The following CTNNBL1 variants were observed in gnomAD, a reference collection of about 807,000 sequenced individuals.
The protein encoded by CTNNBL1 is beta-catenin-like protein 1.
CTNNBL1 carries 31 observed loss-of-function variants against 72.7 expected under a neutral mutation model. The ratio of observed to expected loss-of-function variants is 0.43; its 90% CI spans 0.32 to 0.58. The LOEUF (loss-of-function observed/expected upper bound fraction) is 0.58, where lower values mean the gene tolerates loss of function less well. CTNNBL1 is among the 20% of genes least tolerant of loss of function. The pLI is 0.08. For synonymous variants in CTNNBL1, 240 were observed against 267.3 expected (o/e 0.90, Z 1.00); for missense variants, 534 against 725.1 (o/e 0.74, Z 3.03).
At chr20:37,719,239 A>C (rs561424326) in intron 1 of CTNNBL1, among the ~76,000 whole-genome samples, 2 of 152,304 alleles carry the variant, frequency 1.3e-5, no homozygotes, top group South Asian at 4.1e-4. Flanking sequence ...CAGTCACCCT[A>C]ATGGCCCAAG....
chr20:37,728,718 ACT>A (rs1462761884), intron 1 of CTNNBL1, among the ~76,000 whole-genome samples: 1 of 152,114 alleles, frequency 6.6e-6, no homozygotes. Context: ...TGCATGGCTT[ACT>A]CTCTGTTGGA....
At chr20:37,815,505 A>G (rs553451200) in intron 11 of CTNNBL1, among the ~76,000 whole-genome samples, 1 of 151,988 alleles carries the variant, frequency 6.6e-6, no homozygotes, top group South Asian at 2.1e-4. Context: ...TTTGGTAGAG[A>G]CGGGGTTTCA....
chr20:37,853,621 T>C (rs1476840612), intron 13 of CTNNBL1, among the ~76,000 whole-genome samples: 1 of 152,180 alleles, frequency 6.6e-6, no homozygotes, highest in Non-Finnish European at 1.5e-5. Flanking sequence ...GAGTCAGAAG[T>C]GTATTAATCC....
intron 2 of CTNNBL1, among the ~76,000 whole-genome samples, chr20:37,735,933 A>G (rs927064687): frequency 2.0e-5 from 3 of 152,258 alleles, no homozygotes; most frequent in African/African-American, 7.2e-5. Flanking sequence ...TAGTATGAAG[A>G]GAAGCAGGGT....
At chr20:37,811,665 A>G (rs762903732) in intron 11 of CTNNBL1, among the ~76,000 whole-genome samples, 10 of 152,210 alleles carry the variant, frequency 6.6e-5, no homozygotes, top group Non-Finnish European at 1.5e-4. Flanking sequence ...GGATTTACCC[A>G]GCTCCCAAGT....
At chr20:37,857,706 A>C (rs1282052452) in intron 13 of CTNNBL1, among the ~76,000 whole-genome samples, 1 of 152,090 alleles carries the variant, frequency 6.6e-6, no homozygotes, top group African/African-American at 2.4e-5. Flanking sequence ...GCAGGATCTC[A>C]AGGGCTTCCC....
intron 1 of CTNNBL1, among the ~76,000 whole-genome samples, chr20:37,695,422 T>C (rs1027654403): frequency 1.3e-5 from 2 of 152,130 alleles, no homozygotes; most frequent in African/African-American, 4.8e-5. Flanking sequence ...CTCAAACTCC[T>C]AGCCTCAAGC....
chr20:37,765,407 TG>T, intron 6 of CTNNBL1, 117 bp downstream of exon 6: 1 of 663,162 alleles, frequency 1.5e-6, no homozygotes, highest in Non-Finnish European at 2.7e-6. Flanking sequence ...TCCTTCCTTC[TG>T]CTCCCAAACT....
At chr20:37,756,886 G>C (rs2073370393) in intron 4 of CTNNBL1, among the ~76,000 whole-genome samples, 1 of 151,662 alleles carries the variant, frequency 6.6e-6, no homozygotes, top group Non-Finnish European at 1.5e-5. Context: ...AGCTCAAGCA[G>C]TCCTCCTGCC....
intron 11 of CTNNBL1, 85 bp downstream of exon 11, chr20:37,803,133 G>GT: frequency 8.0e-7 from 1 of 1,251,424 alleles, no homozygotes. Context: ...ATTCTGACGT[G>GT]TTTGGGGGAT....
chr20:37,853,485 C>T (rs960763336), intron 13 of CTNNBL1, among the ~76,000 whole-genome samples: 6 of 152,196 alleles, frequency 3.9e-5, no homozygotes, highest in African/African-American at 1.4e-4. Context: ...TTTGGAGTTT[C>T]AGGCACCCTT....
intron 11 of CTNNBL1, among the ~76,000 whole-genome samples, chr20:37,810,888 C>T (rs1186620661): frequency 3.3e-5 from 5 of 152,058 alleles, no homozygotes; most frequent in African/African-American, 1.2e-4. Flanking sequence ...GTTGCTTAGC[C>T]TTTTTGAGCC....
chr20:37,748,921 A>G (rs1278949666), intron 4 of CTNNBL1, among the ~76,000 whole-genome samples: 1 of 152,248 alleles, frequency 6.6e-6, no homozygotes, highest in African/African-American at 2.4e-5. Context: ...GCCTAGCTCT[A>G]TTCTGGGCAC....
At chr20:37,815,648 G>A (rs1313200392) in intron 11 of CTNNBL1, among the ~76,000 whole-genome samples, 1 of 152,182 alleles carries the variant, frequency 6.6e-6, no homozygotes, top group Non-Finnish European at 1.5e-5. Flanking sequence ...TTGTGAATGT[G>A]TTGGGACTTC....
chr20:37,847,391 G>C (rs1251744726), intron 13 of CTNNBL1, among the ~76,000 whole-genome samples: 1 of 152,080 alleles, frequency 6.6e-6, no homozygotes, highest in East Asian at 1.9e-4. Context: ...CATACCCTAG[G>C]GGTTTCTGGT....
chr20:37,702,525 T>C (rs1483816472), intron 1 of CTNNBL1, among the ~76,000 whole-genome samples: 1 of 152,208 alleles, frequency 6.6e-6, no homozygotes, highest in East Asian at 1.9e-4. Flanking sequence ...TAGGCTCTTT[T>C]TGCATGTCAG....
At chr20:37,857,540 A>C (rs578217902) in intron 13 of CTNNBL1, among the ~76,000 whole-genome samples, 1 of 152,216 alleles carries the variant, frequency 6.6e-6, no homozygotes, top group African/African-American at 2.4e-5. Context: ...TAGAGGCCTC[A>C]TAGGAGCCGA....
chr20:37,772,281 G>C (rs1200903249), intron 7 of CTNNBL1, among the ~76,000 whole-genome samples: 1 of 152,164 alleles, frequency 6.6e-6, no homozygotes, highest in Non-Finnish European at 1.5e-5. Flanking sequence ...CAAATTCTTG[G>C]GTCCACCCAG....
intron 1 of CTNNBL1, among the ~76,000 whole-genome samples, chr20:37,710,288 A>G (rs1290791735): frequency 6.6e-6 from 1 of 152,100 alleles, no homozygotes; most frequent in Non-Finnish European, 1.5e-5. Flanking sequence ...TGTAGTTTAC[A>G]TTCTTTTCCT....
Sources: gnomAD v4.1 joint callset for allele counts (sites outside exome capture counted in the v4.1 genomes callset) on GRCh38, gnomAD v4.1.1 for gene constraint, MANE v1.5 for transcripts, NCBI Gene and HGNC (gene_info 2026-07-23, HGNC 2026-07-21) for gene names.